Variants in STK39 observed in about 807,000 individuals in gnomAD.
STK39 encodes serine/threonine kinase 39, also known as STE20/SPS1-related proline-alanine-rich protein kinase.
Under a neutral mutation model 77.8 loss-of-function variants are expected in STK39, and 20 were observed. That is an observed-to-expected ratio of 0.26 (90% CI 0.18 to 0.37). STK39 has a LOEUF of 0.37. Ranked by LOEUF, STK39 falls within the 10% of genes least tolerant of loss-of-function variation. The pLI is 1.00. For synonymous variants in STK39, 246 were observed against 234.1 expected (o/e 1.05, Z -0.47); for missense variants, 479 against 656.5 (o/e 0.73, Z 2.95).
chr2:168,046,614 G>C (rs74409659), intron 14 of STK39, among the ~76,000 whole-genome samples: 1,652 of 152,260 alleles, frequency 0.011, 16 homozygotes, highest in Non-Finnish European at 0.018. Flanking sequence ...TATCTCTTCA[G>C]AGAGTCCCAC....
intron 10 of STK39, among the ~76,000 whole-genome samples, chr2:168,089,234 A>G (rs1204472882): frequency 6.6e-6 from 1 of 152,224 alleles, no homozygotes; most frequent in Non-Finnish European, 1.5e-5. Context: ...CTAAAGGAAC[A>G]TCAGGAGTGG....
intron 14 of STK39, among the ~76,000 whole-genome samples, chr2:168,028,879 T>C (rs1455316637): frequency 3.3e-5 from 5 of 152,178 alleles, no homozygotes; most frequent in Non-Finnish European, 7.3e-5. Context: ...ATGTGTCCAT[T>C]TGGGACCCAG....
rs771572645 is a variant in STK39 at position 168,247,337 on chromosome 2, TGCTGTCGCG to T, written c.90_98del (p.Thr32_Ala34del). On this transcript the variant is annotated inframe_deletion, in exon 1 of 18. Coordinates refer to ENST00000355999, the MANE Select transcript of STK39 (RefSeq NM_013233.3). ...CCGCGGGAGCTGCCGGGGCCGGCGC[TGCTGTCGCG>T]GCCGCCGGGGCCGCCGCCGCCGCCG... 117 of 1,040,588 alleles carry T rather than the reference TGCTGTCGCG, an allele frequency of 1.1e-4. No homozygotes were observed. In the South Asian group the frequency reaches 4.9e-3, roughly 44 times the overall value. 64.5% of individuals were successfully genotyped at this position (1,040,588 alleles called of 1,614,324 possible). A position where few individuals can be genotyped will look rare whatever the true frequency, so the allele number is the denominator to read the frequency against.
chr2:167,964,910 T>C (rs532429035), intron 16 of STK39, among the ~76,000 whole-genome samples, 184 bp from the exon 17 acceptor site: 2 of 152,368 alleles, frequency 1.3e-5, no homozygotes, highest in East Asian at 1.9e-4. Flanking sequence ...CAACAATTGA[T>C]ATCATTTCAG....
intron 1 of STK39, among the ~76,000 whole-genome samples, chr2:168,195,845 C>T (rs1689455563): frequency 1.3e-5 from 2 of 152,130 alleles, no homozygotes; most frequent in African/African-American, 4.8e-5. Context: ...GGCAAAACCC[C>T]ATCTCTACTA....
rs533535343 is a variant in STK39 at position 167,968,623 on chromosome 2, G to A, written c.1499-3897C>T. Among the ~76,000 whole-genome samples the A allele has an allele frequency of 2.0e-5, 3 of 152,274 alleles. No homozygotes were observed. In the South Asian group the frequency reaches 6.2e-4, roughly 32 times the overall value. ...ATTTCTAACATTAGACAAAAGCATG[G>A]TCTTGGGTTACCTGACAAGGTGATG... On this transcript the variant is annotated intron_variant, in intron 16 of 17. Coordinates refer to ENST00000355999, the MANE Select transcript of STK39 (RefSeq NM_013233.3).
chr2:168,142,937 T>A (rs570184430), intron 5 of STK39, among the ~76,000 whole-genome samples: 282 of 152,270 alleles, frequency 1.9e-3, no homozygotes, highest in Non-Finnish European at 3.4e-3. Flanking sequence ...ACACAAAAAA[T>A]TGGTATATTA....
chr2:167,998,604 A>G (rs1187224353), intron 16 of STK39, among the ~76,000 whole-genome samples: 2 of 145,430 alleles, frequency 1.4e-5, no homozygotes, highest in African/African-American at 5.2e-5. Flanking sequence ...GCCCGTGATT[A>G]ATGCCTAAGT....
At chr2:168,214,048 GA>G (rs1024888619) in intron 1 of STK39, among the ~76,000 whole-genome samples, 11 of 152,246 alleles carry the variant, frequency 7.2e-5, no homozygotes, top group African/African-American at 2.4e-4. Context: ...GAAGACCTGA[GA>G]GGCCGGTGGA....
chr2:168,229,627 CTTAA>C (rs1464608637), intron 1 of STK39, among the ~76,000 whole-genome samples: 2 of 152,130 alleles, frequency 1.3e-5, no homozygotes, highest in Admixed American at 1.3e-4. Context: ...AAGAAACTTT[CTTAA>C]TTAAGCAAAA....
intron 8 of STK39, among the ~76,000 whole-genome samples, chr2:168,132,508 C>A (rs1687725130): frequency 6.6e-6 from 1 of 152,156 alleles, no homozygotes; most frequent in Non-Finnish European, 1.5e-5. Flanking sequence ...CCCACACCCG[C>A]CGGAGATGCC....
chr2:168,042,957 A>G (rs1391442394), intron 14 of STK39, among the ~76,000 whole-genome samples: 2 of 152,200 alleles, frequency 1.3e-5, no homozygotes, highest in East Asian at 3.9e-4. Context: ...AACCACCTGC[A>G]AAATACTATG....
Position 167,955,560 on chromosome 2 carries a change from C to G in STK39, c.1574G>C (p.Cys525Ser), listed in dbSNP as rs541206860. 1.2e-6 allele frequency: 2 copies of G among 1,613,552 alleles called. No individual in the cohort carries two copies. Among genetic ancestry groups the G allele is most frequent in the African/African-American group, 2.7e-5 (2 of 74,912 alleles). Residue 525 changes from cysteine (C) to serine (S), a missense_variant, in exon 18 of 18, where the codon TGT becomes TCT. By Grantham distance (112) the Cys-to-Ser change is moderately radical. Coordinates refer to ENST00000355999, the MANE Select transcript of STK39 (RefSeq NM_013233.3). ...KTLTFKLASG[C>S]DGSEIPDEVK... ...TTCATCAGGAATCTCCGACCCATCA[C>G]AGCCAGAAGCCTGAAAAGGGAAAAA...
intron 15 of STK39, 41 bp downstream of exon 15, chr2:168,017,002 C>T (rs746327774): frequency 2.0e-6 from 3 of 1,492,570 alleles, no homozygotes; most frequent in East Asian, 2.3e-5. Context: ...TTCTGCAATG[C>T]TCTTTGAGGC....
chr2:168,166,682 T>C (rs572150950), intron 3 of STK39, among the ~76,000 whole-genome samples: 2 of 152,330 alleles, frequency 1.3e-5, no homozygotes, highest in African/African-American at 4.8e-5. Flanking sequence ...TGTAAGTTAA[T>C]TAAAATTGAA....
chr2:168,078,922 A>G (rs908441933), intron 10 of STK39, among the ~76,000 whole-genome samples: 4 of 152,144 alleles, frequency 2.6e-5, no homozygotes, highest in Admixed American at 6.5e-5. Flanking sequence ...TCGAAACCCA[A>G]GTGATCCAGG....
At chr2:168,175,434 A>G (rs1463556646) in intron 2 of STK39, among the ~76,000 whole-genome samples, 2 of 152,222 alleles carry the variant, frequency 1.3e-5, no homozygotes, top group African/African-American at 4.8e-5. Context: ...AAAAAAAAGC[A>G]TGAGAGGTTA....
At chr2:168,066,564 C>T (rs1459672122) in intron 12 of STK39, among the ~76,000 whole-genome samples, 1 of 152,172 alleles carries the variant, frequency 6.6e-6, no homozygotes, top group Non-Finnish European at 1.5e-5. Flanking sequence ...AACCAAAGGC[C>T]ACATCAGTAC....
At chr2:168,150,005 T>A (rs1301256244) in intron 5 of STK39, among the ~76,000 whole-genome samples, 3 of 152,210 alleles carry the variant, frequency 2.0e-5, no homozygotes, top group Admixed American at 2.0e-4. Context: ...AGACCAGCAT[T>A]ACCTGTGAGG....
Sources: allele counts gnomAD v4.1 joint callset (sites outside exome capture counted in the v4.1 genomes callset), GRCh38; gene constraint gnomAD v4.1.1; transcripts MANE v1.5; gene names NCBI Gene and HGNC (gene_info 2026-07-23, HGNC 2026-07-21).